UGT1A10: variants seen among roughly 807,000 people sequenced by gnomAD.
The protein encoded by UGT1A10 is UDP glucuronosyltransferase family 1 member A10.
Under a neutral mutation model 45.8 loss-of-function variants are expected in UGT1A10, and 49 were observed. The ratio of observed to expected loss-of-function variants is 1.07; its 90% confidence interval spans 0.85 to 1.36. The LOEUF (loss-of-function observed/expected upper bound fraction) is 1.36, where lower values mean the gene tolerates loss of function less well. UGT1A10 is among the 40% of genes most tolerant of loss of function. UGT1A10 has a pLI of 0.00. For synonymous variants in UGT1A10, 284 were observed against 249.7 expected (o/e 1.14, Z -1.29); for missense variants, 745 against 668.6 (o/e 1.11, Z -1.26).
chr2:233,692,971 CTT>C (rs2075123431), intron 1 of UGT1A10: 4 of 1,611,844 alleles, frequency 2.5e-6, no homozygotes, highest in South Asian at 2.2e-5. Flanking sequence ...AGTGAAAACT[CTT>C]TATTACCGTT....
chr2:233,729,056 T>G, intron 1 of UGT1A10: 1 of 1,610,084 alleles, frequency 6.2e-7, no homozygotes, highest in Non-Finnish European at 8.5e-7. Flanking sequence ...ACAAGGTAAT[T>G]AAGATGAAGA....
At chr2:233,747,905 T>C in intron 1 of UGT1A10, 4 of 1,613,538 alleles carry the variant, frequency 2.5e-6, no homozygotes, top group Non-Finnish European at 3.4e-6. Flanking sequence ...CTGCTCCTTA[T>C]GCAAGCCTTG....
At chr2:233,653,445 G>T (rs2073786084) in intron 1 of UGT1A10, among the ~76,000 whole-genome samples, 1 of 152,104 alleles carries the variant, frequency 6.6e-6, no homozygotes. Context: ...TTATTACTGT[G>T]GTTGGTAATC....
intron 1 of UGT1A10, among the ~76,000 whole-genome samples, chr2:233,699,227 G>A (rs566093011): frequency 2.6e-5 from 4 of 152,078 alleles, no homozygotes; most frequent in South Asian, 2.1e-4. Flanking sequence ...AAACAAAAAC[G>A]AACTTTTGTT....
At chr2:233,690,220 G>A (rs939015605) in intron 1 of UGT1A10, among the ~76,000 whole-genome samples, 1 of 152,112 alleles carries the variant, frequency 6.6e-6, no homozygotes, top group Admixed American at 6.5e-5. Context: ...TGCCATTTTA[G>A]TATTCTAGAT....
At chr2:233,749,889 C>G (rs1694294053) in intron 1 of UGT1A10, among the ~76,000 whole-genome samples, 1 of 151,896 alleles carries the variant, frequency 6.6e-6, no homozygotes. Context: ...TCCTGAGGCT[C>G]CCCCCTCCAG....
intron 1 of UGT1A10, among the ~76,000 whole-genome samples, chr2:233,731,354 T>C (rs910917478): frequency 6.6e-5 from 10 of 151,866 alleles, no homozygotes; most frequent in African/African-American, 2.4e-4. Context: ...GATACATAGG[T>C]ATACATGTGC....
intron 1 of UGT1A10, among the ~76,000 whole-genome samples, chr2:233,697,644 T>A (rs1311012882): frequency 6.6e-6 from 1 of 152,120 alleles, no homozygotes; most frequent in Admixed American, 6.5e-5. Flanking sequence ...CTTTTTTAGT[T>A]CCTTGAGGTG....
intron 1 of UGT1A10, chr2:233,648,951 G>A (rs1285294352): frequency 1.5e-5 from 21 of 1,437,726 alleles, no homozygotes; most frequent in Non-Finnish European, 2.0e-5. Flanking sequence ...TTGTTTTGGA[G>A]TATCCCAAAC....
chr2:233,686,219 G>C lies in UGT1A10; in HGVS notation c.855+48842G>C, dbSNP rs1013973575. ...AGAAGAAAAAATTAGAAAAATATTT[G>C]TGACCTTGGATTTGGAAATGGTTTC... On this transcript the variant is annotated intron_variant, in intron 1 of 4. Coordinates refer to ENST00000344644, the MANE Select transcript of UGT1A10 (RefSeq NM_019075.4). Among the ~76,000 whole-genome samples the C allele has an allele frequency of 2.0e-5, 3 of 151,618 alleles. No individual in the cohort carries two copies. In the East Asian group the frequency reaches 5.8e-4, roughly 29 times the overall value.
chr2:233,758,786 G>T (rs1696976610), intron 1 of UGT1A10, among the ~76,000 whole-genome samples: 1 of 152,212 alleles, frequency 6.6e-6, no homozygotes, highest in Admixed American at 6.5e-5. Context: ...GATCTGTGCA[G>T]TTATCTTGGA....
At chr2:233,665,913 G>A (rs780354113) in intron 1 of UGT1A10, among the ~76,000 whole-genome samples, 26 of 152,302 alleles carry the variant, frequency 1.7e-4, no homozygotes, top group Non-Finnish European at 3.1e-4. Context: ...CTGCATATGA[G>A]AGGTCCAGCT....
rs199688431 is a variant in UGT1A10 at position 233,719,254 on chromosome 2, C to G, written c.856-47780C>G. On this transcript the variant is annotated intron_variant, in intron 1 of 4. Transcript: ENST00000344644. Reference sequence around the variant, plus strand: ...CTGATCAGGCACCTGAATGCTACTTCCTTTGATGTGGTTTTAACAGACCCC... The same window carrying G: ...CTGATCAGGCACCTGAATGCTACTTGCTTTGATGTGGTTTTAACAGACCCC... The G allele has an allele frequency of 3.7e-6, 6 of 1,614,048 alleles. No individual in the cohort carries two copies. In the Admixed American group the frequency reaches 1.0e-4, roughly 27 times the overall value.
intron 1 of UGT1A10, among the ~76,000 whole-genome samples, chr2:233,736,062 G>C (rs1463600658): frequency 6.6e-6 from 1 of 152,174 alleles, no homozygotes; most frequent in South Asian, 2.1e-4. Context: ...GGCCTGCCTT[G>C]CTAGGTTTGG....
intron 1 of UGT1A10, among the ~76,000 whole-genome samples, chr2:233,763,057 G>T (rs920282385): frequency 6.6e-6 from 1 of 152,282 alleles, no homozygotes; most frequent in South Asian, 2.1e-4. Context: ...TATTGATTTA[G>T]ATAATTTCCT....
intron 1 of UGT1A10, chr2:233,693,129 T>C: frequency 6.2e-7 from 1 of 1,614,192 alleles, no homozygotes; most frequent in Non-Finnish European, 8.5e-7. Flanking sequence ...TGGCTTAGTA[T>C]GAAGGATATA....
intron 1 of UGT1A10, among the ~76,000 whole-genome samples, chr2:233,708,088 A>G (rs940204280): frequency 1.3e-5 from 2 of 152,196 alleles, no homozygotes; most frequent in African/African-American, 4.8e-5. Context: ...CTTTTATTCA[A>G]ACGAATTAGA....
At chr2:233,646,538 C>A (rs767962465) in intron 1 of UGT1A10, among the ~76,000 whole-genome samples, 8 of 152,182 alleles carry the variant, frequency 5.3e-5, no homozygotes, top group Non-Finnish European at 1.0e-4. Flanking sequence ...TTAAAAATTT[C>A]TCACACCAGT....
chr2:233,678,491 C>T (rs1039836797), intron 1 of UGT1A10, among the ~76,000 whole-genome samples: 18 of 151,920 alleles, frequency 1.2e-4, no homozygotes, highest in African/African-American at 2.4e-4. Context: ...TTGGTGTAAC[C>T]TTATGGAAAT....
Sources: gnomAD v4.1 joint callset for allele counts (sites outside exome capture counted in the v4.1 genomes callset) on GRCh38, gnomAD v4.1.1 for gene constraint, MANE v1.5 for transcripts, NCBI Gene and HGNC (gene_info 2026-07-23, HGNC 2026-07-21) for gene names.